Variants in KREMEN1 observed in about 807,000 individuals in gnomAD.
The protein encoded by KREMEN1 is kringle containing transmembrane protein 1, also known as kremen protein 1.
In KREMEN1, 30 loss-of-function variants were observed where a neutral mutation model predicts 46.5. That is an observed-to-expected ratio of 0.65 (90% confidence interval 0.48 to 0.88). The LOEUF (loss-of-function observed/expected upper bound fraction) is 0.88, where lower values mean the gene tolerates loss of function less well. Ranked by LOEUF, KREMEN1 falls within the 40% of genes least tolerant of loss-of-function variation. The pLI, the probability that KREMEN1 is intolerant of heterozygous loss-of-function variation, is 0.00. For synonymous variants in KREMEN1, 214 were observed against 230.6 expected (o/e 0.93, Z 0.65); for missense variants, 533 against 596.9 (o/e 0.89, Z 1.11).
chr22:29,164,639 C>T (rs1422830892), intron 9 of KREMEN1, among the ~76,000 whole-genome samples: 1 of 146,334 alleles, frequency 6.8e-6, no homozygotes, highest in South Asian at 2.2e-4. Flanking sequence ...CCAGCTACTT[C>T]GGAGGCTGAG....
rs549924950 is a variant in KREMEN1, at chr22:29,140,908, A to G, written c.1208+542A>G. The stretch of plus-strand genomic sequence containing the variant: ...AGTCTAACAGTTCCACCTTCCAGGA[A>G]AGGGGCAATTGTTCATGCTACTAAT... On this transcript the variant is annotated intron_variant, in intron 8 of 8. Transcript: ENST00000400335. Among the ~76,000 whole-genome samples the G allele has an allele frequency of 3.3e-5, 5 of 152,348 alleles. No homozygotes were observed. The East Asian group carries it at 9.6e-4, about 29-fold the overall frequency.
chr22:29,144,125 C>G lies in KREMEN1; in HGVS notation c.*2013C>G, dbSNP rs1025356775. The G allele has an allele frequency of 1.5e-4, 147 of 985,456 alleles. No homozygotes were observed. Among genetic ancestry groups the G allele is most frequent in the Non-Finnish European group, 1.6e-4 (135 of 830,018 alleles). The allele number at this position is 985,456 out of a possible 1,614,324, so 61.0% of individuals were successfully genotyped here. ...TCAGAGCGTGCCTCTCCACAAGGCA[C>G]TTGGGCCTGGGTGATTGTTGCGCCT... is the stretch of plus-strand genomic sequence containing the variant. On this transcript the variant is annotated 3_prime_UTR_variant, in exon 9 of 9. Coordinates refer to ENST00000400335, the MANE Select transcript of KREMEN1 (RefSeq NM_001039570.3).
chr22:29,097,175 G>A (rs1338017836), intron 2 of KREMEN1, among the ~76,000 whole-genome samples: 1 of 152,246 alleles, frequency 6.6e-6, no homozygotes, highest in Non-Finnish European at 1.5e-5. Context: ...GGATCTTTAT[G>A]CCCATTTCCG....
At chr22:29,127,931 C>T (rs2038471801) in intron 5 of KREMEN1, among the ~76,000 whole-genome samples, 1 of 152,084 alleles carries the variant, frequency 6.6e-6, no homozygotes, top group Non-Finnish European at 1.5e-5. Flanking sequence ...AGGCATGCTA[C>T]AACATGGATG....
At chr22:29,136,471 G>A (rs2038659158) in intron 5 of KREMEN1, among the ~76,000 whole-genome samples, 1 of 151,754 alleles carries the variant, frequency 6.6e-6, no homozygotes, top group African/African-American at 2.4e-5. Flanking sequence ...CTACTCGGAA[G>A]GCTGAGACAG....
At chr22:29,129,858 C>A (rs560195508) in intron 5 of KREMEN1, among the ~76,000 whole-genome samples, 1 of 152,208 alleles carries the variant, frequency 6.6e-6, no homozygotes, top group African/African-American at 2.4e-5. Context: ...GAGCTGTGTA[C>A]TGTGGGCAAG....
Position 29,143,749 on chromosome 22 carries a change from A to G in KREMEN1, c.*1637A>G, listed in dbSNP as rs575795190. On this transcript the variant is annotated 3_prime_UTR_variant, in exon 9 of 9. Transcript: ENST00000400335. ...AGTGCAAGACTCTGTCTCAAAAAAA[A>G]AAAAAACACTCCAAGGGCCATCCGT... 18 of 985,392 alleles carry G rather than the reference A, an allele frequency of 1.8e-5. No homozygotes were observed. Among genetic ancestry groups the G allele is most frequent in the Admixed American group, 6.2e-5 (1 of 16,226 alleles). The allele number at this position is 985,392 out of a possible 1,614,324, so 61.0% of individuals were successfully genotyped here.
chr22:29,100,344 C>T (rs949142344), intron 3 of KREMEN1, among the ~76,000 whole-genome samples: 6 of 151,854 alleles, frequency 4.0e-5, no homozygotes, highest in African/African-American at 1.5e-4. Flanking sequence ...GAACTCCTGA[C>T]CTCAGGTGAT....
At chr22:29,091,727 C>G (rs2037809275) in intron 1 of KREMEN1, among the ~76,000 whole-genome samples, 1 of 152,146 alleles carries the variant, frequency 6.6e-6, no homozygotes, top group Middle Eastern at 3.2e-3. Flanking sequence ...ACATACCACA[C>G]ACATTGTCTC....
intron 5 of KREMEN1, among the ~76,000 whole-genome samples, chr22:29,128,469 G>C (rs1436025751): frequency 6.6e-6 from 1 of 152,102 alleles, no homozygotes; most frequent in African/African-American, 2.4e-5. Flanking sequence ...CTGTGTGGTA[G>C]ATAAAAGTAT....
rs968645267 is a variant in KREMEN1, at chr22:29,145,074, G to A, written c.*2962G>A. The A allele has an allele frequency of 6.9e-5, 68 of 985,382 alleles. No homozygotes were observed. The highest frequency in any genetic ancestry group is 8.1e-5 in the Non-Finnish European group (67 of 829,984). 61.0% of individuals were successfully genotyped at this position (985,382 alleles called of 1,614,324 possible). A position where few individuals can be genotyped will look rare whatever the true frequency, so the allele number is the denominator to read the frequency against. On this transcript the variant is annotated 3_prime_UTR_variant, in exon 9 of 9. Transcript: ENST00000400335. ...GCCTCCGTGGGCACTGGCTCCTGCC[G>A]CAGCCTGGCTATGGACTCAGTTAGA...
At chr22:29,160,159 A>G (rs191538511) in intron 9 of KREMEN1, among the ~76,000 whole-genome samples, 1 of 152,330 alleles carries the variant, frequency 6.6e-6, no homozygotes, top group African/African-American at 2.4e-5. Flanking sequence ...GCCATAGAGC[A>G]AGTCTCAATA....
rs1033935158 is a variant in KREMEN1, at chr22:29,145,578, C to T, written c.*3466C>T. The stretch of plus-strand genomic sequence containing the variant: ...AGCTGTGGCCCCTAGTTTCTAGCAG[C>T]GTTTCTCAGTGTCCTTGGCCCTTCT... On this transcript the variant is annotated 3_prime_UTR_variant, in exon 9 of 9. Transcript: ENST00000400335. The T allele has an allele frequency of 1.9e-5, 19 of 985,406 alleles. No homozygotes were observed. Among genetic ancestry groups the T allele is most frequent in the East Asian group, 1.1e-4 (1 of 8,830 alleles). 61.0% of individuals were successfully genotyped at this position (985,406 alleles called of 1,614,324 possible). A position where few individuals can be genotyped will look rare whatever the true frequency, so the allele number is the denominator to read the frequency against.
intron 3 of KREMEN1, among the ~76,000 whole-genome samples, chr22:29,119,773 A>G (rs2038300639): frequency 6.6e-6 from 1 of 152,264 alleles, no homozygotes; most frequent in Non-Finnish European, 1.5e-5. Context: ...GCTGTGAAAC[A>G]CTAATATGCT....
Position 29,146,498 on chromosome 22 carries a change from C to T in KREMEN1, c.*4386C>T, listed in dbSNP as rs1265925254. ...AGACACAAAGACTGGAGGCCCTTCC[C>T]CGCCCGCACGGGAGCTGCCATCGTG... On this transcript the variant is annotated 3_prime_UTR_variant, in exon 9 of 9. Coordinates refer to ENST00000400335, the MANE Select transcript of KREMEN1 (RefSeq NM_001039570.3). 5.1e-6 allele frequency: 5 copies of T among 985,424 alleles called. No homozygotes were observed. The allele number at this position is 985,424 out of a possible 1,614,324, so 61.0% of individuals were successfully genotyped here. A position where few individuals can be genotyped will look rare whatever the true frequency, so the allele number is the denominator to read the frequency against.
intron 4 of KREMEN1, among the ~76,000 whole-genome samples, chr22:29,122,438 C>T (rs142316028): frequency 6.6e-6 from 1 of 152,184 alleles, no homozygotes; most frequent in Non-Finnish European, 1.5e-5. Flanking sequence ...TACCTTAAAA[C>T]TCAGCAATAT....
chr22:29,081,147 G>A (rs571457488), intron 1 of KREMEN1, among the ~76,000 whole-genome samples: 4 of 151,642 alleles, frequency 2.6e-5, no homozygotes, highest in African/African-American at 4.8e-5. Context: ...CACTCCCCCC[G>A]TCCTTCTTTT....
chr22:29,150,855 G>A (rs542288900), downstream of KREMEN1, among the ~76,000 whole-genome samples: 17 of 152,266 alleles, frequency 1.1e-4, no homozygotes, highest in African/African-American at 3.1e-4. Context: ...CATCTTTGCC[G>A]CAACCCAACA....
chr22:29,146,230 T>C lies in KREMEN1; in HGVS notation c.*4118T>C. On this transcript the variant is annotated 3_prime_UTR_variant, in exon 9 of 9. Coordinates refer to ENST00000400335, the MANE Select transcript of KREMEN1 (RefSeq NM_001039570.3). ...TGGTGTCTTTGTTTACCTTCCTCAC[T>C]GTTCTACCTCCTGGCCAGGTCTCAG... The C allele has an allele frequency of 3.0e-6, 3 of 985,956 alleles. No individual in the cohort carries two copies. Among genetic ancestry groups the C allele is most frequent in the Non-Finnish European group, 2.4e-6 (2 of 829,980 alleles). 61.1% of individuals were successfully genotyped at this position (985,956 alleles called of 1,614,324 possible).
Sources: allele counts gnomAD v4.1 joint callset (sites outside exome capture counted in the v4.1 genomes callset), GRCh38; gene constraint gnomAD v4.1.1; transcripts MANE v1.5; gene names NCBI Gene and HGNC (gene_info 2026-07-23, HGNC 2026-07-21).